Variants in LRRFIP2 observed in about 807,000 individuals in gnomAD.
The protein encoded by LRRFIP2 is leucine-rich repeat flightless-interacting protein 2.
Under a neutral mutation model 125.9 loss-of-function variants are expected in LRRFIP2, and 109 were observed. The observed-to-expected ratio is 0.87, with a 90% CI of 0.74 to 1.01. LRRFIP2 has a LOEUF of 1.01. LRRFIP2 is among the 50% of genes least tolerant of loss of function. The probability of loss-of-function intolerance (pLI) is 0.00; values close to 1 mark genes in which losing one functional copy is unlikely to be tolerated. For synonymous variants in LRRFIP2, 291 were observed against 293.1 expected, an observed-to-expected ratio of 0.99 and a Z score of 0.07; for missense variants, 850 against 862.3, an observed-to-expected ratio of 0.99 and a Z score of 0.18.
At chr3:37,100,880 C>T (rs1228545948) in intron 15 of LRRFIP2, among the ~76,000 whole-genome samples, 1 of 152,022 alleles carries the variant, frequency 6.6e-6, no homozygotes, top group Non-Finnish European at 1.5e-5. Context: ...TGATTAGACC[C>T]ACACCAAGAT....
intron 15 of LRRFIP2, among the ~76,000 whole-genome samples, chr3:37,101,697 GA>G (rs2094064651): frequency 1.3e-5 from 2 of 148,610 alleles, no homozygotes; most frequent in African/African-American, 2.5e-5. Context: ...AGAAGAAGAA[GA>G]AAGAAAGAAA....
intron 1 of LRRFIP2, among the ~76,000 whole-genome samples, chr3:37,156,633 C>G (rs1273134546): frequency 7.9e-6 from 1 of 126,788 alleles, no homozygotes; most frequent in African/African-American, 3.0e-5. Flanking sequence ...TAGATTGCGC[C>G]ACTGCACTCC....
intron 2 of LRRFIP2, among the ~76,000 whole-genome samples, chr3:37,137,805 T>C (rs1405004661): frequency 6.6e-6 from 1 of 152,160 alleles, no homozygotes; most frequent in African/African-American, 2.4e-5. Flanking sequence ...ATAAAATCAG[T>C]CTCATTTTCC....
chr3:37,136,737 T>C (rs2095563365), intron 2 of LRRFIP2, among the ~76,000 whole-genome samples: 1 of 152,084 alleles, frequency 6.6e-6, no homozygotes, highest in African/African-American at 2.4e-5. Flanking sequence ...TCAAGGGTCA[T>C]GCTCCAAGAA....
intron 11 of LRRFIP2, among the ~76,000 whole-genome samples, 198 bp downstream of exon 11, chr3:37,109,329 C>A (rs1273401924): frequency 2.0e-5 from 3 of 152,178 alleles, no homozygotes; most frequent in Admixed American, 1.3e-4. Flanking sequence ...CTACCAACAG[C>A]CCTCTGTGAA....
chr3:37,108,279 ACC>A (rs1436401127), intron 12 of LRRFIP2, 150 bp from the exon 13 acceptor site: 1 of 648,852 alleles, frequency 1.5e-6, no homozygotes, highest in Non-Finnish European at 2.7e-6. Context: ...CCTCATCCCC[ACC>A]CTCAAGATCC....
At position 37,080,697 on chromosome 3, in the gene LRRFIP2, G is replaced by A. The variant is rs73824624; in HGVS notation, c.1278+2939C>T. Among the ~76,000 whole-genome samples the A allele has an allele frequency of 7.6e-3, 1,149 of 152,076 alleles. 18 individuals are homozygous for A. Among genetic ancestry groups the A allele is most frequent in the African/African-American group, 0.026 (1,093 of 41,518 alleles). On this transcript the variant is annotated intron_variant, in intron 19 of 27. Transcript: ENST00000336686. ...AACATGGTAAAGATACTATGGGGAC[G>A]AAAACGGAAAAACTTGTAAGACTGG...
chr3:37,134,991 G>A (rs2095521417), intron 2 of LRRFIP2: 2 of 1,517,664 alleles, frequency 1.3e-6, no homozygotes, highest in Admixed American at 3.4e-5. Flanking sequence ...TCACTGCTAT[G>A]TGATCCAAAC....
In LRRFIP2 at chr3:37,091,447, T is replaced by C. The variant is rs765251953; in HGVS notation, c.1107+20A>G. ...TTCTGCATACAGAGCATGCTTGGGC[T>C]GCAGAATGGGCCCTGATACCTTTAG... On this transcript the variant is annotated intron_variant, in intron 18 of 27. Transcript: ENST00000336686. 8 of 1,596,652 alleles carry C rather than the reference T, an allele frequency of 5.0e-6. No individual in the cohort carries two copies. The South Asian group carries it at 9.1e-5, about 18-fold the overall frequency.
chr3:37,166,046 A>C (rs1022995110), intron 1 of LRRFIP2, among the ~76,000 whole-genome samples: 2 of 152,230 alleles, frequency 1.3e-5, no homozygotes, highest in Non-Finnish European at 2.9e-5. Context: ...CATCAAAATT[A>C]AAAACTCTGG....
upstream of LRRFIP2, chr3:37,174,585 C>T (rs1168015711): frequency 1.3e-5 from 2 of 151,998 alleles, no homozygotes; most frequent in Non-Finnish European, 2.9e-5. Flanking sequence ...CATCTAGACC[C>T]CTTCATTTAT....
At chr3:37,146,881 A>G (rs768782302) in intron 2 of LRRFIP2, among the ~76,000 whole-genome samples, 38 of 152,216 alleles carry the variant, frequency 2.5e-4, no homozygotes, top group Non-Finnish European at 4.1e-4. Flanking sequence ...TAATTAAACT[A>G]AAGAGCTTCT....
rs1399675046 is a variant in LRRFIP2, at chr3:37,053,455, G to C, written c.*396C>G. 5.7e-6 allele frequency: 1 copy of C among 175,182 alleles called. No homozygotes were observed. The highest frequency in any genetic ancestry group is 1.2e-5 in the Non-Finnish European group (1 of 81,452). The allele number at this position is 175,182 out of a possible 1,614,324, so 10.9% of individuals were successfully genotyped here. Reference sequence around the variant, plus strand: ...GAAGTCTGAATTGCACCGTGGAGAAGGCACTTGTGTTTTCTGAGGTCTCCA... The same window carrying C: ...GAAGTCTGAATTGCACCGTGGAGAACGCACTTGTGTTTTCTGAGGTCTCCA... On this transcript the variant is annotated 3_prime_UTR_variant, in exon 28 of 28. Coordinates refer to ENST00000336686, the MANE Select transcript of LRRFIP2 (RefSeq NM_006309.4).
chr3:37,154,074 C>T (rs1177564828), intron 1 of LRRFIP2, among the ~76,000 whole-genome samples: 1 of 151,348 alleles, frequency 6.6e-6, no homozygotes, highest in Non-Finnish European at 1.5e-5. Flanking sequence ...ACTTGGGAGG[C>T]TGAGGTGGGA....
At chr3:37,058,431 T>A (rs1331145815) in intron 25 of LRRFIP2, among the ~76,000 whole-genome samples, 1 of 152,072 alleles carries the variant, frequency 6.6e-6, no homozygotes, top group Non-Finnish European at 1.5e-5. Context: ...CCCAGCACTC[T>A]GGGAGGCTGA....
rs1349913530 is a variant in LRRFIP2 at position 37,054,491 on chromosome 3, G to C, written c.1975C>G (p.Leu659Val). The change falls in exon 27 of 28, where the codon CTG becomes GTG. Residue 659 changes from leucine (L) to valine (V), a missense_variant. By Grantham distance (32) the Leu-to-Val change is conservative. Coordinates refer to ENST00000336686, the MANE Select transcript of LRRFIP2 (RefSeq NM_006309.4). Reference sequence around the variant, plus strand: ...TTCTCAGCAGCAGTTTTATATCTCAGAACCTGTCCCTCAAGCCGGCTAATC... The same window carrying C: ...TTCTCAGCAGCAGTTTTATATCTCACAACCTGTCCCTCAAGCCGGCTAATC... Reference protein sequence around the residue: ...QSISRLEGQVLRYKTAAENAE... With the variant: ...QSISRLEGQVVRYKTAAENAE... 1 of 1,613,742 alleles carries C rather than the reference G, an allele frequency of 6.2e-7. No individual in the cohort carries two copies. The highest frequency in any genetic ancestry group is 2.2e-5 in the East Asian group (1 of 44,878).
Position 37,091,456 on chromosome 3 carries a change from G to T in LRRFIP2, c.1107+11C>A. 1 of 1,602,310 alleles carries T rather than the reference G, an allele frequency of 6.2e-7. No homozygotes were observed. Among genetic ancestry groups the T allele is most frequent in the African/African-American group, 1.3e-5 (1 of 74,508 alleles). ...CAGAGCATGCTTGGGCTGCAGAATG[G>T]GCCCTGATACCTTTAGTTCTTTAAG... On this transcript the variant is annotated intron_variant, in intron 18 of 27. Coordinates refer to ENST00000336686, the MANE Select transcript of LRRFIP2 (RefSeq NM_006309.4).
chr3:37,133,697 G>A (rs1420095200), intron 2 of LRRFIP2, among the ~76,000 whole-genome samples: 1 of 152,176 alleles, frequency 6.6e-6, no homozygotes, highest in African/African-American at 2.4e-5. Context: ...ACTGGATGAT[G>A]ACAGAGTTCT....
chr3:37,135,639 T>C (rs2095540101), intron 2 of LRRFIP2, among the ~76,000 whole-genome samples: 1 of 152,126 alleles, frequency 6.6e-6, no homozygotes, highest in South Asian at 2.1e-4. Flanking sequence ...AGGATTTAAA[T>C]AGACATTTCT....
Sources: gnomAD v4.1 joint callset for allele counts (sites outside exome capture counted in the v4.1 genomes callset) on GRCh38, gnomAD v4.1.1 for gene constraint, MANE v1.5 for transcripts, NCBI Gene and HGNC (gene_info 2026-07-23, HGNC 2026-07-21) for gene names.